Variants in DDX60 observed in about 807,000 individuals in gnomAD.
DDX60 encodes probable ATP-dependent RNA helicase DDX60.
Under a neutral mutation model 212.8 loss-of-function variants are expected in DDX60, and 165 were observed. The ratio of observed to expected loss-of-function variants is 0.78; its 90% CI spans 0.68 to 0.88. The LOEUF is 0.88. Ranked by LOEUF, DDX60 falls within the 40% of genes least tolerant of loss-of-function variation. DDX60 has a pLI of 0.00. For missense variants in DDX60, 1,905 were observed against 2,003.9 expected (o/e 0.95, Z 0.94); for synonymous variants, 703 against 685.3 (o/e 1.03, Z -0.40).
chr4:168,276,096 T>C lies in DDX60; in HGVS notation c.2064A>G (p.Gln688=). Residue 688 remains glutamine, a synonymous_variant, in exon 15 of 38, where the codon CAA becomes CAG. Coordinates refer to ENST00000393743, the MANE Select transcript of DDX60 (RefSeq NM_017631.6). ...TGGCTATGAGTTGCCGATCATCTTCTTGTAAAAGTTCTGAGTATTTTTCCA... is the reference window on the plus strand; with the variant it reads ...TGGCTATGAGTTGCCGATCATCTTCCTGTAAAAGTTCTGAGTATTTTTCCA... ...SLMEKYSELL[Q]EDDRQLIARC... is the part of the protein sequence containing the mutation. The C allele has an allele frequency of 1.2e-6, 2 of 1,613,828 alleles. No homozygotes were observed. The highest frequency in any genetic ancestry group is 3.3e-5 in the Admixed American group (2 of 60,004).
At position 168,268,841 on chromosome 4, in the gene DDX60, A is replaced by T; in HGVS notation, c.2786+13T>A. The T allele has an allele frequency of 2.1e-6, 3 of 1,431,874 alleles. No homozygotes were observed. Among genetic ancestry groups the T allele is most frequent in the Non-Finnish European group, 2.9e-6 (3 of 1,040,466 alleles). The allele number at this position is 1,431,874 out of a possible 1,614,324, so 88.7% of individuals were successfully genotyped here. The stretch of plus-strand genomic sequence containing the variant: ...AGATAAACACTCTGTCCAAATTGAA[A>T]CTTAATGCCTACTCGGTGAGATGTT... On this transcript the variant is annotated intron_variant, in intron 20 of 37. Transcript: ENST00000393743.
At chr4:168,309,042 G>A (rs1232756327) in intron 3 of DDX60, among the ~76,000 whole-genome samples, 1 of 152,094 alleles carries the variant, frequency 6.6e-6, no homozygotes, top group African/African-American at 2.4e-5. Flanking sequence ...GTAAACAAAT[G>A]TTATGCTGCA....
intron 26 of DDX60, 49 bp from the exon 27 acceptor site, chr4:168,252,705 G>T: frequency 1.0e-5 from 15 of 1,470,786 alleles, no homozygotes; most frequent in Non-Finnish European, 1.4e-5. Flanking sequence ...AATAATGAAT[G>T]AAGTAATTAA....
chr4:168,220,863 G>C (rs1380886555), intron 36 of DDX60, 146 bp from the exon 37 acceptor site: 1 of 423,026 alleles, frequency 2.4e-6, no homozygotes, highest in Non-Finnish European at 4.2e-6. Flanking sequence ...CAGACTCCTA[G>C]ATATTGATCT....
chr4:168,258,012 G>A (rs1214084235), intron 25 of DDX60, among the ~76,000 whole-genome samples: 1 of 152,204 alleles, frequency 6.6e-6, no homozygotes, highest in Non-Finnish European at 1.5e-5. Flanking sequence ...AGTAAATAAA[G>A]AACTGCCTGT....
At chr4:168,270,914 G>T (rs1339125627) in intron 19 of DDX60, among the ~76,000 whole-genome samples, 4 of 114,108 alleles carry the variant, frequency 3.5e-5, no homozygotes, top group Non-Finnish European at 6.6e-5. Context: ...GTTTCGCTCT[G>T]GTACCCAGGC....
intron 10 of DDX60, among the ~76,000 whole-genome samples, chr4:168,286,785 C>T (rs1579052896): frequency 6.6e-6 from 1 of 151,962 alleles, no homozygotes; most frequent in Admixed American, 6.6e-5. Flanking sequence ...CCTATAACTG[C>T]CATATTGCTG....
chr4:168,250,525 C>CT (rs59885639), intron 28 of DDX60, among the ~76,000 whole-genome samples: 5,725 of 138,020 alleles, frequency 0.041, 380 homozygotes, highest in African/African-American at 0.14. Context: ...GATATCATGA[C>CT]TTTTTTTTTT....
chr4:168,219,501 G>A (rs1732973790), intron 37 of DDX60, among the ~76,000 whole-genome samples: 1 of 151,948 alleles, frequency 6.6e-6, no homozygotes, highest in Admixed American at 6.6e-5. Flanking sequence ...GCCACTCAAG[G>A]AATACCCTAT....
chr4:168,308,708 G>C (rs1350205803), intron 3 of DDX60, among the ~76,000 whole-genome samples: 2 of 147,656 alleles, frequency 1.4e-5, no homozygotes, highest in South Asian at 2.1e-4. Flanking sequence ...TATTATATAT[G>C]TATATATATT....
chr4:168,311,215 C>T (rs374074419), intron 2 of DDX60, 41 bp downstream of exon 2: 43 of 1,602,566 alleles, frequency 2.7e-5, no homozygotes, highest in Non-Finnish European at 3.6e-5. Context: ...TACAGGGTAA[C>T]ATTGTTTTAT....
At chr4:168,262,851 T>A in intron 22 of DDX60, 64 bp from the exon 23 acceptor site, 1 of 1,143,008 alleles carries the variant, frequency 8.7e-7, no homozygotes. Context: ...CTTTGCCTCT[T>A]AGTCACTATC....
In DDX60 at chr4:168,216,992, C is replaced by A; in HGVS notation, c.5080G>T (p.Val1694Phe). Residue 1694 changes from valine (V) to phenylalanine (F), a missense_variant, in exon 38 of 38, where the codon GTT becomes TTT. Val to Phe is a conservative substitution (Grantham distance 50). Coordinates refer to ENST00000393743, the MANE Select transcript of DDX60 (RefSeq NM_017631.6). ...CTCAGTTGTTCAAAGGCTAAGACAA[C>A]GTTGTCGTCTTCATTTTCACATAGC... ...RELCENEDDNVVLAFEQLSTT... is the reference protein window; with the variant it reads ...RELCENEDDNFVLAFEQLSTT... The A allele has an allele frequency of 1.2e-6, 2 of 1,604,662 alleles. No homozygotes were observed. The highest frequency in any genetic ancestry group is 1.7e-6 in the Non-Finnish European group (2 of 1,177,262).
chr4:168,274,467 A>G (rs1451288569), intron 16 of DDX60, among the ~76,000 whole-genome samples: 3 of 152,240 alleles, frequency 2.0e-5, no homozygotes, highest in Non-Finnish European at 4.4e-5. Context: ...CTGATATTCT[A>G]CTTTCTACAT....
intron 33 of DDX60, among the ~76,000 whole-genome samples, chr4:168,235,405 T>C (rs1423443348): frequency 1.3e-5 from 2 of 152,076 alleles, no homozygotes; most frequent in Non-Finnish European, 2.9e-5. Flanking sequence ...TTTTTCAAAA[T>C]AGAGATAGTG....
intron 16 of DDX60, among the ~76,000 whole-genome samples, chr4:168,275,072 C>T (rs1300515842): frequency 1.3e-5 from 2 of 152,074 alleles, no homozygotes; most frequent in Non-Finnish European, 2.9e-5. Context: ...GGAGGCTGCT[C>T]CATGATGATA....
intron 36 of DDX60, among the ~76,000 whole-genome samples, chr4:168,221,189 C>T (rs1315331481): frequency 6.6e-6 from 1 of 152,108 alleles, no homozygotes; most frequent in South Asian, 2.1e-4. Flanking sequence ...TGGTTTCCTG[C>T]TTTGATGTGA....
At chr4:168,274,154 T>A (rs1281771323) in intron 16 of DDX60, 71 bp from the exon 17 acceptor site, 5 of 1,576,306 alleles carry the variant, frequency 3.2e-6, no homozygotes, top group South Asian at 1.1e-5. Flanking sequence ...ACAGTATTTA[T>A]AGACTTCCAA....
chr4:168,302,250 A>G (rs1736677009), intron 6 of DDX60, 50 bp downstream of exon 6: 2 of 1,000,870 alleles, frequency 2.0e-6, no homozygotes, highest in East Asian at 2.8e-5. Flanking sequence ...CAACTTTTCT[A>G]TAACTAAAAA....
Sources: allele counts gnomAD v4.1 joint callset (sites outside exome capture counted in the v4.1 genomes callset), GRCh38; gene constraint gnomAD v4.1.1; transcripts MANE v1.5; gene names NCBI Gene and HGNC (gene_info 2026-07-23, HGNC 2026-07-21).